TLK1: variants seen among roughly 807,000 people sequenced by gnomAD.
TLK1 encodes serine/threonine-protein kinase tousled-like 1.
In TLK1, 24 loss-of-function variants were observed where a neutral mutation model predicts 105.3. The ratio of observed to expected loss-of-function variants is 0.23; its 90% CI spans 0.17 to 0.32. The LOEUF is 0.32. Ranked by LOEUF, TLK1 falls within the 10% of genes least tolerant of loss-of-function variation. TLK1 has a pLI of 1.00. For missense variants in TLK1, 558 were observed against 910.5 expected (o/e 0.61, Z 4.98); for synonymous variants, 321 against 310.4 (o/e 1.03, Z -0.36).
At chr2:171,213,461 C>T (rs1347011367) in intron 1 of TLK1, among the ~76,000 whole-genome samples, 1 of 151,862 alleles carries the variant, frequency 6.6e-6, no homozygotes, top group Non-Finnish European at 1.5e-5. Context: ...CCTCGACCTC[C>T]CAAAGTGCCA....
chr2:171,129,317 T>C (rs1401973843), intron 1 of TLK1, among the ~76,000 whole-genome samples: 1 of 152,126 alleles, frequency 6.6e-6, no homozygotes, highest in Non-Finnish European at 1.5e-5. Flanking sequence ...TTATGAACCT[T>C]AAAAAGGACA....
chr2:171,154,938 C>A (rs1208929194), intron 1 of TLK1, among the ~76,000 whole-genome samples: 1 of 152,012 alleles, frequency 6.6e-6, no homozygotes, highest in Non-Finnish European at 1.5e-5. Context: ...CCTAAAAATC[C>A]AACTCACAGA....
chr2:171,057,379 C>A (rs1284439450), intron 5 of TLK1, among the ~76,000 whole-genome samples: 1 of 151,936 alleles, frequency 6.6e-6, no homozygotes, highest in Non-Finnish European at 1.5e-5. Context: ...ATCAATAGAG[C>A]CTAGCATAAA....
At chr2:171,146,022 T>C (rs1691778191) in intron 1 of TLK1, among the ~76,000 whole-genome samples, 1 of 152,054 alleles carries the variant, frequency 6.6e-6, no homozygotes, top group African/African-American at 2.4e-5. Flanking sequence ...GAGCACTACT[T>C]TGTGTGCCTT....
In TLK1 at chr2:171,209,976, C is replaced by T. The variant is rs554419429; in HGVS notation, c.-6+21169G>A. ...TACACATTCTCAAAATTTCCAGGAG[C>T]TTGTAGGCACAGGCAGTGTATGGGA... On this transcript the variant is annotated intron_variant, in intron 1 of 20. Transcript: ENST00000521943. Among the ~76,000 whole-genome samples the T allele has an allele frequency of 5.9e-5, 9 of 152,298 alleles. No individual in the cohort carries two copies. In the South Asian group the frequency reaches 1.7e-3, roughly 28 times the overall value.
At chr2:171,032,411 G>C (rs998388193) in intron 11 of TLK1, among the ~76,000 whole-genome samples, 1 of 152,058 alleles carries the variant, frequency 6.6e-6, no homozygotes, top group Non-Finnish European at 1.5e-5. Context: ...CAGGGTATGA[G>C]AGCAATGCAC....
intron 2 of TLK1, among the ~76,000 whole-genome samples, chr2:171,108,086 C>CAAA (rs869099435): frequency 2.1e-5 from 3 of 145,588 alleles, no homozygotes; most frequent in South Asian, 2.2e-4. Flanking sequence ...ACAACAACAA[C>CAAA]AAAAAAACAG....
intron 12 of TLK1, among the ~76,000 whole-genome samples, chr2:171,017,515 T>A (rs1559344768): frequency 6.6e-6 from 1 of 152,196 alleles, no homozygotes. Flanking sequence ...GAGTCATAAA[T>A]AAGTAAGATT....
chr2:171,031,490 TTTA>T (rs1373562071), intron 11 of TLK1, among the ~76,000 whole-genome samples: 2 of 152,214 alleles, frequency 1.3e-5, no homozygotes, highest in Non-Finnish European at 2.9e-5. Flanking sequence ...TAGCAAATCT[TTTA>T]TTCATAGATA....
chr2:170,996,544 G>T, intron 20 of TLK1, 109 bp downstream of exon 20: 1 of 796,784 alleles, frequency 1.3e-6, no homozygotes, highest in South Asian at 1.9e-5. Context: ...CAGATCCCCT[G>T]CAGCAGCGAG....
At chr2:171,146,556 A>C (rs1464698423) in intron 1 of TLK1, among the ~76,000 whole-genome samples, 1 of 152,232 alleles carries the variant, frequency 6.6e-6, no homozygotes, top group South Asian at 2.1e-4. Context: ...ATCAAATGTA[A>C]CAAGAATTAA....
At chr2:171,221,867 A>T (rs577715566) in intron 1 of TLK1, among the ~76,000 whole-genome samples, 98 of 152,162 alleles carry the variant, frequency 6.4e-4, no homozygotes, top group Non-Finnish European at 1.0e-3. Context: ...ATTGGGCCTT[A>T]TTTAACCATT....
chr2:171,014,245 C>T (rs1029632282), intron 13 of TLK1, among the ~76,000 whole-genome samples: 2 of 152,130 alleles, frequency 1.3e-5, no homozygotes, highest in Non-Finnish European at 2.9e-5. Context: ...ATGAAGCTTA[C>T]ATTCTAGAGG....
At chr2:171,175,527 T>C (rs1295746760) in intron 1 of TLK1, among the ~76,000 whole-genome samples, 1 of 152,202 alleles carries the variant, frequency 6.6e-6, no homozygotes, top group African/African-American at 2.4e-5. Context: ...AATTTTGGTA[T>C]GGGAAGGTGG....
intron 18 of TLK1, among the ~76,000 whole-genome samples, chr2:171,004,165 G>A (rs2105359829): frequency 6.6e-6 from 1 of 152,090 alleles, no homozygotes; most frequent in Admixed American, 6.5e-5. Context: ...GTTTCACCAC[G>A]TTGGCCAGGC....
intron 1 of TLK1, among the ~76,000 whole-genome samples, chr2:171,150,398 TG>T (rs2105595386): frequency 6.6e-6 from 1 of 152,340 alleles, no homozygotes; most frequent in South Asian, 2.1e-4. Flanking sequence ...AGTTGTTTTT[TG>T]CTCATTATCA....
At chr2:171,216,994 C>A (rs767966988) in intron 1 of TLK1, among the ~76,000 whole-genome samples, 4 of 152,218 alleles carry the variant, frequency 2.6e-5, no homozygotes, top group Non-Finnish European at 4.4e-5. Context: ...TTTTAAGCCA[C>A]TCAGTGTGTA....
At chr2:171,227,495 C>T (rs545359963) in intron 1 of TLK1, among the ~76,000 whole-genome samples, 92 of 147,346 alleles carry the variant, frequency 6.2e-4, no homozygotes, top group African/African-American at 2.2e-3. Flanking sequence ...GTACCTGAGT[C>T]CAAATAATCT....
At chr2:171,063,921 T>C (rs1687871747) in intron 3 of TLK1, among the ~76,000 whole-genome samples, 1 of 152,212 alleles carries the variant, frequency 6.6e-6, no homozygotes, top group South Asian at 2.1e-4. Flanking sequence ...GGATATGCAC[T>C]TCAGGATATT....
Sources: allele counts gnomAD v4.1 joint callset (sites outside exome capture counted in the v4.1 genomes callset), GRCh38; gene constraint gnomAD v4.1.1; transcripts MANE v1.5; gene names NCBI Gene and HGNC (gene_info 2026-07-23, HGNC 2026-07-21).